CCDC174: variants seen among roughly 807,000 people sequenced by gnomAD.
CCDC174 encodes the protein coiled-coil domain-containing protein 174.
CCDC174 carries 37 observed loss-of-function variants against 57.1 expected under a neutral mutation model. The ratio of observed to expected loss-of-function variants is 0.65; its 90% CI spans 0.50 to 0.85. CCDC174 has a LOEUF of 0.85. CCDC174 is among the 40% of genes least tolerant of loss of function. The probability of loss-of-function intolerance (pLI) is 0.00; values close to 1 mark genes in which losing one functional copy is unlikely to be tolerated. For synonymous variants in CCDC174, 182 were observed against 190.2 expected (o/e 0.96, Z 0.35); for missense variants, 540 against 574.3 (o/e 0.94, Z 0.61).
chr3:14,661,303 T>C (rs2031126251), intron 4 of CCDC174, among the ~76,000 whole-genome samples: 1 of 151,922 alleles, frequency 6.6e-6, no homozygotes, highest in South Asian at 2.1e-4. Context: ...TCAGGTAGTG[T>C]ATTGATGAGG....
At chr3:14,658,010 T>C (rs1332811495) in intron 3 of CCDC174, among the ~76,000 whole-genome samples, 1 of 152,338 alleles carries the variant, frequency 6.6e-6, no homozygotes, top group East Asian at 1.9e-4. Flanking sequence ...CCCTCCAAAA[T>C]AGGGGTCTTA....
Position 14,651,794 on chromosome 3 carries a change from G to C in CCDC174, c.-43G>C. 3.7e-6 allele frequency: 6 copies of C among 1,609,634 alleles called. No homozygotes were observed. Among genetic ancestry groups the C allele is most frequent in the Non-Finnish European group, 5.1e-6 (6 of 1,176,054 alleles). The stretch of plus-strand genomic sequence containing the variant: ...AGGTAGGCTTACGAGGCCTGTGTCG[G>C]GTAGAAAGGGTCCTTCCTGGACCGG... On this transcript the variant is annotated 5_prime_UTR_variant, in exon 1 of 11. Transcript: ENST00000383794.
chr3:14,664,699 A>G (rs1211181382), intron 5 of CCDC174, among the ~76,000 whole-genome samples: 2 of 152,326 alleles, frequency 1.3e-5, no homozygotes, highest in East Asian at 1.9e-4. Context: ...TACTGATAAA[A>G]TGTCTGGAAT....
chr3:14,657,882 C>G (rs972453045), intron 3 of CCDC174, among the ~76,000 whole-genome samples: 1 of 152,198 alleles, frequency 6.6e-6, no homozygotes. Flanking sequence ...AGTGTCCTGC[C>G]CACTCACTCT....
intron 1 of CCDC174, among the ~76,000 whole-genome samples, chr3:14,654,073 C>T (rs1235205860): frequency 6.6e-6 from 1 of 152,146 alleles, no homozygotes; most frequent in Non-Finnish European, 1.5e-5. Context: ...GAAATGAGTG[C>T]AGTGCTAGTC....
intron 1 of CCDC174, among the ~76,000 whole-genome samples, chr3:14,652,114 A>G (rs1302076751): frequency 6.6e-6 from 1 of 152,150 alleles, no homozygotes; most frequent in Non-Finnish European, 1.5e-5. Flanking sequence ...ACCCTCGGAC[A>G]CGGATCTGAA....
Position 14,669,924 on chromosome 3 carries a change from C to CA in CCDC174, c.953-4dup. On this transcript the variant is annotated splice_polypyrimidine_tract_variant and intron_variant, in intron 9 of 10. Coordinates refer to ENST00000383794, the MANE Select transcript of CCDC174 (RefSeq NM_016474.5). ...TTTATAACAGTGTCTTATTCTTTTA[C>CA]AAAAAATAGATGGAGATGTTATTGG... 4 of 1,612,996 alleles carry CA rather than the reference C, an allele frequency of 2.5e-6. No homozygotes were observed. The highest frequency in any genetic ancestry group is 3.4e-6 in the Non-Finnish European group (4 of 1,179,536).
chr3:14,670,858 T>C (rs1032012291), intron 10 of CCDC174, 38 bp from the exon 11 acceptor site: 2 of 1,452,614 alleles, frequency 1.4e-6, no homozygotes, highest in East Asian at 4.6e-5. Context: ...ACTGATTCGT[T>C]AATCAGTTCT....
chr3:14,668,064 A>G lies in CCDC174; in HGVS notation c.835A>G (p.Thr279Ala), dbSNP rs768961500. 4 of 1,600,322 alleles carry G rather than the reference A, an allele frequency of 2.5e-6. No homozygotes were observed. In the East Asian group the frequency reaches 9.0e-5, roughly 36 times the overall value. Reference protein sequence around the residue: ...MLREQTTDQRTKRENIKEKRK... With the variant: ...MLREQTTDQRAKRENIKEKRK... ...TTCTGTTCAGACAACAGATCAGAGA[A>G]CAAAACGAGAAAACATAAAGGAAAA... The change falls in exon 9 of 11, where the codon ACA becomes GCA. Residue 279 changes from threonine to alanine, a missense_variant. Transcript: ENST00000383794.
intron 4 of CCDC174, among the ~76,000 whole-genome samples, chr3:14,659,812 G>C (rs1202211967): frequency 6.6e-6 from 1 of 152,186 alleles, no homozygotes; most frequent in African/African-American, 2.4e-5. Flanking sequence ...TATGTAATCA[G>C]GGAAGTCTTT....
rs373850881 is a variant in CCDC174, at chr3:14,670,917, C to T, written c.1127C>T (p.Ser376Leu). 1 of 1,609,902 alleles carries T rather than the reference C, an allele frequency of 6.2e-7. No homozygotes were observed. Among genetic ancestry groups the T allele is most frequent in the Non-Finnish European group, 8.5e-7 (1 of 1,176,708 alleles). ...CCAGAATTTTCCTTTGGATACTGGT[C>T]GAAGAGGCAGTCAGATCTCCGGGCT... ...RGKEFSFGYW[S>L]KRQSDLRAER... Residue 376 changes from serine (S) to leucine (L), a missense_variant, in exon 11 of 11, where the codon TCG (serine) becomes TTG (leucine). By Grantham distance (145) the Ser-to-Leu change is moderately radical (BLOSUM62 -2). Transcript: ENST00000383794.
At chr3:14,662,879 C>T (rs2031195362) in intron 5 of CCDC174, among the ~76,000 whole-genome samples, 1 of 152,154 alleles carries the variant, frequency 6.6e-6, no homozygotes, top group Non-Finnish European at 1.5e-5. Flanking sequence ...TTAGAAATAA[C>T]ATTCTCATTG....
intron 9 of CCDC174, among the ~76,000 whole-genome samples, chr3:14,669,240 T>C (rs1433528264): frequency 6.6e-6 from 1 of 152,168 alleles, no homozygotes; most frequent in Non-Finnish European, 1.5e-5. Context: ...ACAAAGCTTA[T>C]GTGAAGCCAT....
intron 1 of CCDC174, among the ~76,000 whole-genome samples, chr3:14,652,526 G>A (rs904319327): frequency 2.0e-5 from 3 of 152,218 alleles, no homozygotes. Flanking sequence ...TTAGGAGGTA[G>A]GTGCTATTAA....
Position 14,671,331 on chromosome 3 carries a change from C to G in CCDC174, c.*137C>G. The G allele has an allele frequency of 1.1e-6, 1 of 889,680 alleles. No individual in the cohort carries two copies. The highest frequency in any genetic ancestry group is 1.7e-6 in the Non-Finnish European group (1 of 596,892). 55.1% of individuals were successfully genotyped at this position (889,680 alleles called of 1,614,324 possible). A position where few individuals can be genotyped will look rare whatever the true frequency, so the allele number is the denominator to read the frequency against. On this transcript the variant is annotated 3_prime_UTR_variant, in exon 11 of 11. Coordinates refer to ENST00000383794, the MANE Select transcript of CCDC174 (RefSeq NM_016474.5). ...GGCACAGACTTCGGGTTGGATTTGT[C>G]AGCAAGGAGGAAAGTTATGGAAACT... is the stretch of plus-strand genomic sequence containing the variant.
At chr3:14,652,446 A>C (rs537897282) in intron 1 of CCDC174, among the ~76,000 whole-genome samples, 2 of 152,326 alleles carry the variant, frequency 1.3e-5, no homozygotes, top group South Asian at 4.1e-4. Context: ...CTAGAAAGAA[A>C]ACTTGTTCTA....
At chr3:14,662,703 G>C (rs1465299224) in intron 5 of CCDC174, among the ~76,000 whole-genome samples, 2 of 152,160 alleles carry the variant, frequency 1.3e-5, no homozygotes, top group African/African-American at 4.8e-5. Context: ...TCCTCCTTGT[G>C]GTGGGCATTT....
At position 14,670,042 on chromosome 3, in the gene CCDC174, C is replaced by T. The variant is rs769038621; in HGVS notation, c.1061C>T (p.Thr354Ile). 1 of 1,612,142 alleles carries T rather than the reference C, an allele frequency of 6.2e-7. No individual in the cohort carries two copies. The highest frequency in any genetic ancestry group is 8.5e-7 in the Non-Finnish European group (1 of 1,179,484). The change falls in exon 10 of 11, where the codon ACC becomes ATC. Residue 354 changes from threonine to isoleucine, a missense_variant. Transcript: ENST00000383794. ...VEVIVQERKD[T>I]KPGVPHIREW... Reference sequence around the variant, plus strand: ...GTCATTGTCCAGGAGAGGAAGGACACCAAGCCTGGAGTGCCACACATCCGG... The same window carrying T: ...GTCATTGTCCAGGAGAGGAAGGACATCAAGCCTGGAGTGCCACACATCCGG...
At chr3:14,661,183 G>A (rs188448635) in intron 4 of CCDC174, among the ~76,000 whole-genome samples, 147 of 152,354 alleles carry the variant, frequency 9.6e-4, no homozygotes, top group African/African-American at 3.4e-3. Flanking sequence ...CTGATCTGAT[G>A]ACACGGAAAA....
Sources: gnomAD v4.1 joint callset for allele counts (sites outside exome capture counted in the v4.1 genomes callset) on GRCh38, gnomAD v4.1.1 for gene constraint, MANE v1.5 for transcripts, NCBI Gene and HGNC (gene_info 2026-07-23, HGNC 2026-07-21) for gene names.